The following OXR1 variants were observed in gnomAD, a reference collection of about 807,000 sequenced individuals.
OXR1 encodes oxidation resistance 1, also known as oxidation resistance protein 1.
A neutral mutation model predicts 104.6 loss-of-function variants in OXR1; 41 were observed. The observed-to-expected ratio is 0.39, with a 90% confidence interval of 0.31 to 0.51. The LOEUF (loss-of-function observed/expected upper bound fraction) is 0.51. OXR1 is among the 20% of genes least tolerant of loss of function. OXR1 has a pLI of 0.77. For synonymous variants in OXR1, 348 were observed against 348.4 expected, an observed-to-expected ratio of 1.00 and a Z score of 0.01; for missense variants, 955 against 1,031.9, an observed-to-expected ratio of 0.93 and a Z score of 1.02.
At chr8:106,354,392 T>G (rs1815871068) in intron 1 of OXR1, among the ~76,000 whole-genome samples, 2 of 152,220 alleles carry the variant, frequency 1.3e-5, no homozygotes, top group Non-Finnish European at 2.9e-5. Context: ...ATTCTTCATT[T>G]TATGCCCATT....
intron 2 of OXR1, among the ~76,000 whole-genome samples, chr8:106,376,368 T>C (rs1443597192): frequency 6.6e-6 from 1 of 152,152 alleles, no homozygotes; most frequent in Non-Finnish European, 1.5e-5. Flanking sequence ...TTACCTGACA[T>C]TGACGGGGGA....
rs369290900 is a variant in OXR1 at position 106,604,008 on chromosome 8, G to A, written c.221-75202G>A. Among the ~76,000 whole-genome samples the A allele has an allele frequency of 3.0e-3, 454 of 152,216 alleles. 3 individuals are homozygous for A. The highest frequency in any genetic ancestry group is 0.01 in the African/African-American group (424 of 41,530). On this transcript the variant is annotated intron_variant, in intron 3 of 16. Transcript: ENST00000517566. ...GCGGTTGTTGCAGTGAGCCGAGATA[G>A]TGCCACTGCACTCCAGCCTGGGCAA...
chr8:106,488,498 C>T (rs1299398550), intron 2 of OXR1, among the ~76,000 whole-genome samples: 2 of 152,130 alleles, frequency 1.3e-5, no homozygotes, highest in Non-Finnish European at 2.9e-5. Context: ...AGTCCTTGCC[C>T]ATGGCTATGT....
chr8:106,558,648 AGTAAAACTACT>A (rs1436054381), intron 3 of OXR1, among the ~76,000 whole-genome samples: 2 of 152,224 alleles, frequency 1.3e-5, no homozygotes, highest in African/African-American at 4.8e-5. Flanking sequence ...CAGAAATCAC[AGTAAAACTACT>A]GTTTTGTGGA....
In OXR1 at chr8:106,706,917, G is replaced by C; in HGVS notation, c.1396G>C (p.Glu466Gln). ...GTTACACCAAGAAGAGAGTCAAAAA[G>C]AAAATATGCCTTGTGGGGAAACAGC... ...NSLHQEESQKENMPCGETAEF... is the reference protein window; with the variant it reads ...NSLHQEESQKQNMPCGETAEF... The change falls in exon 9 of 17, where the codon GAA (glutamate) becomes CAA (glutamine). Residue 466 changes from glutamate (E) to glutamine (Q), a missense_variant. By Grantham distance (29) the Glu-to-Gln change is conservative. This residue lies in a region of OXR1 where 849 missense variants were observed against 852.9 expected (regional missense o/e 1.00). Coordinates refer to ENST00000517566, the MANE Select transcript of OXR1 (RefSeq NM_001198533.2). 4 of 1,612,322 alleles carry C rather than the reference G, an allele frequency of 2.5e-6. 1 individual carries two copies. The highest frequency in any genetic ancestry group is 2.2e-5 in the South Asian group (2 of 90,584).
chr8:106,387,577 C>T (rs1357842623), intron 2 of OXR1, among the ~76,000 whole-genome samples: 1 of 152,120 alleles, frequency 6.6e-6, no homozygotes, highest in African/African-American at 2.4e-5. Flanking sequence ...CATTGGAATA[C>T]TTACCTTTTA....
At chr8:106,738,061 A>G (rs1834564192) in intron 12 of OXR1, among the ~76,000 whole-genome samples, 1 of 152,160 alleles carries the variant, frequency 6.6e-6, no homozygotes, top group Non-Finnish European at 1.5e-5. Context: ...TTCTTGAGGC[A>G]TTCTTGGTTG....
At chr8:106,652,135 G>C (rs1177613261) in intron 3 of OXR1, among the ~76,000 whole-genome samples, 1 of 152,058 alleles carries the variant, frequency 6.6e-6, no homozygotes, top group African/African-American at 2.4e-5. Context: ...GCTGGCACTG[G>C]TGATCTTTGG....
intron 3 of OXR1, among the ~76,000 whole-genome samples, chr8:106,609,034 C>A (rs1193455447): frequency 6.6e-6 from 1 of 152,138 alleles, no homozygotes; most frequent in African/African-American, 2.4e-5. Context: ...CATATGCTTT[C>A]CTGATTGCTT....
At chr8:106,416,126 T>G (rs974122615) in intron 2 of OXR1, among the ~76,000 whole-genome samples, 2 of 152,046 alleles carry the variant, frequency 1.3e-5, no homozygotes, top group Non-Finnish European at 2.9e-5. Context: ...TTAGAGGAGG[T>G]GACCTTTTAT....
chr8:106,409,428 T>C lies in OXR1; in HGVS notation c.23+49792T>C, dbSNP rs73701517. Among the ~76,000 whole-genome samples the C allele has an allele frequency of 3.5e-3, 530 of 152,078 alleles. 5 individuals are homozygous for C. The highest frequency in any genetic ancestry group is 0.011 in the African/African-American group (471 of 41,474). ...CAACCTGGGAAACAGCAAAACTCTGTCCAAACAAAGAAGCAAACAAAAAAC... is the reference window on the plus strand; with the variant it reads ...CAACCTGGGAAACAGCAAAACTCTGCCCAAACAAAGAAGCAAACAAAAAAC... On this transcript the variant is annotated intron_variant, in intron 2 of 16. Coordinates refer to ENST00000517566, the MANE Select transcript of OXR1 (RefSeq NM_001198533.2).
rs532953768 is a variant in OXR1 at position 106,526,696 on chromosome 8, C to A, written c.220+7557C>A. On this transcript the variant is annotated intron_variant, in intron 3 of 16. Transcript: ENST00000517566. Reference sequence around the variant, plus strand: ...TAGCTGGGACTACAGGCGTCCGCCACCACGCCCGGCTAATTTTTTTGTATT... The same window carrying A: ...TAGCTGGGACTACAGGCGTCCGCCAACACGCCCGGCTAATTTTTTTGTATT... Among the ~76,000 whole-genome samples, 16 of 152,316 alleles carry A rather than the reference C, an allele frequency of 1.1e-4. No individual in the cohort carries two copies. In the South Asian group the frequency reaches 3.3e-3, roughly 32 times the overall value.
intron 2 of OXR1, chr8:106,448,179 C>T (rs1820106877): frequency 1.8e-6 from 2 of 1,113,520 alleles, no homozygotes; most frequent in Non-Finnish European, 2.6e-6. Flanking sequence ...GTTTATGGGA[C>T]CAAACAGATG....
At chr8:106,666,698 T>G (rs911855368) in intron 3 of OXR1, among the ~76,000 whole-genome samples, 32 of 152,198 alleles carry the variant, frequency 2.1e-4, no homozygotes, top group African/African-American at 6.5e-4. Context: ...ACCAGGATTC[T>G]TGCTGAAGGC....
chr8:106,706,566 G>GAGGAGCTTGTATCTTC lies in OXR1; in HGVS notation c.1048_1063dup (p.Asp355GlyfsTer7). On this transcript the variant is annotated frameshift_variant, in exon 9 of 17. Coordinates refer to ENST00000517566, the MANE Select transcript of OXR1 (RefSeq NM_001198533.2). LOFTEE classifies it high-confidence loss of function. ...AGAATCAGAACTTTCCCCTATACGA[G>GAGGAGCTTGTATCTTC]AGGAGCTTGTATCTTCAGATGAACT... 6.2e-7 allele frequency: 1 copy of GAGGAGCTTGTATCTTC among 1,611,814 alleles called. No individual in the cohort carries two copies. The highest frequency in any genetic ancestry group is 8.5e-7 in the Non-Finnish European group (1 of 1,179,466).
At chr8:106,586,606 A>T (rs1200292548) in intron 3 of OXR1, among the ~76,000 whole-genome samples, 2 of 152,336 alleles carry the variant, frequency 1.3e-5, no homozygotes, top group East Asian at 3.9e-4. Context: ...CATGGGTGAT[A>T]GCAAAAACCA....
At chr8:106,317,600 A>C (rs1308091776) in intron 1 of OXR1, among the ~76,000 whole-genome samples, 1 of 152,124 alleles carries the variant, frequency 6.6e-6, no homozygotes, top group East Asian at 1.9e-4. Context: ...GTGACTTTCT[A>C]GTTAGGACAC....
At chr8:106,570,809 A>G (rs1441807845) in intron 3 of OXR1, among the ~76,000 whole-genome samples, 1 of 152,180 alleles carries the variant, frequency 6.6e-6, no homozygotes, top group Non-Finnish European at 1.5e-5. Flanking sequence ...ACAGTTGGGA[A>G]CTTGAATCTC....
Position 106,578,052 on chromosome 8 carries a change from G to A in OXR1, c.220+58913G>A, listed in dbSNP as rs551781120. 2.0e-5 allele frequency among the ~76,000 whole-genome samples: 3 copies of A among 152,212 alleles called. No homozygotes were observed. The South Asian group carries it at 6.2e-4, about 32-fold the overall frequency. On this transcript the variant is annotated intron_variant, in intron 3 of 16. Coordinates refer to ENST00000517566, the MANE Select transcript of OXR1 (RefSeq NM_001198533.2). ...CTGGGTTGTGGCTTCACAGGGCTAG[G>A]GGTGTCACATTTAACATAAAATTAT...
Sources: allele counts gnomAD v4.1 joint callset (sites outside exome capture counted in the v4.1 genomes callset), GRCh38; gene constraint gnomAD v4.1.1; regional missense constraint gnomAD v4.1.1; transcripts MANE v1.5; gene names NCBI Gene and HGNC (gene_info 2026-07-23, HGNC 2026-07-21).